The following TIMP2 variants were observed in gnomAD, a reference collection of about 807,000 sequenced individuals.
TIMP2 encodes the protein metalloproteinase inhibitor 2.
A neutral mutation model predicts 24.3 loss-of-function variants in TIMP2; 5 were observed. The ratio of observed to expected loss-of-function variants is 0.21; its 90% CI spans 0.11 to 0.43. TIMP2 has a LOEUF of 0.43. Among genes scored for constraint, TIMP2 ranks in the 20% least tolerant of loss-of-function variants. The pLI is 1.00. For synonymous variants in TIMP2, 130 were observed against 123.2 expected, an observed-to-expected ratio of 1.06 and a Z score of -0.37; for missense variants, 221 against 297.5, an observed-to-expected ratio of 0.74 and a Z score of 1.89.
chr17:78,874,664 A>G (rs1367120287), intron 1 of TIMP2, among the ~76,000 whole-genome samples: 1 of 151,604 alleles, frequency 6.6e-6, no homozygotes, highest in Non-Finnish European at 1.5e-5. Context: ...TGCAACCTCT[A>G]TCTCCCAGGT....
chr17:78,885,421 G>A (rs1483642197), intron 1 of TIMP2, among the ~76,000 whole-genome samples: 3 of 152,210 alleles, frequency 2.0e-5, no homozygotes, highest in African/African-American at 7.2e-5. Flanking sequence ...CACCGCTGCT[G>A]GCATGGCAGT....
At chr17:78,879,918 G>A (rs1212236490) in intron 1 of TIMP2, among the ~76,000 whole-genome samples, 2 of 151,968 alleles carry the variant, frequency 1.3e-5, no homozygotes, top group African/African-American at 4.8e-5. Flanking sequence ...AGTGGGGACG[G>A]AAAAGAACCG....
At position 78,924,285 on chromosome 17, in the gene TIMP2, G is replaced by A. The variant is rs1422180290; in HGVS notation, c.130+674C>T. On this transcript the variant is annotated intron_variant, in intron 1 of 4. Coordinates refer to ENST00000262768, the MANE Select transcript of TIMP2 (RefSeq NM_003255.5). The surrounding 1 kb of genome is among the most constrained non-coding windows in gnomAD (Gnocchi z 5.3). ...ACCAAAGTCTCCAGCTTTTGTGGAC[G>A]TCCCGAAAAAGCGGAACATTCGGGG... 6.6e-6 allele frequency among the ~76,000 whole-genome samples: 1 copy of A among 152,188 alleles called. No individual in the cohort carries two copies. The highest frequency in any genetic ancestry group is 2.4e-5 in the African/African-American group (1 of 41,464).
At chr17:78,858,400 G>C (rs1292683094) in intron 3 of TIMP2, among the ~76,000 whole-genome samples, 1 of 151,850 alleles carries the variant, frequency 6.6e-6, no homozygotes, top group Non-Finnish European at 1.5e-5. Context: ...CCGAGTTGGT[G>C]CCACTGCACT....
chr17:78,855,778 G>C lies in TIMP2; in HGVS notation c.552C>G (p.Asn184Lys). 1 of 1,614,182 alleles carries C rather than the reference G, an allele frequency of 6.2e-7. No homozygotes were observed. The highest frequency in any genetic ancestry group is 8.5e-7 in the Non-Finnish European group (1 of 1,180,026). Residue 184 changes from asparagine (N) to lysine (K), a missense_variant, in exon 5 of 5, where the codon AAC (asparagine) becomes AAG (lysine). Transcript: ENST00000262768. The surrounding 1 kb of genome is among the most constrained non-coding windows in gnomAD (Gnocchi z 6.0). ...WMDWVTEKNI[N>K]GHQAKFFACI... ...AGGCGAAGAACTTGGCCTGGTGCCC[G>C]TTGATGTTCTTCTCTGTGACCCAGT...
At chr17:78,876,345 A>G (rs1445503971) in intron 1 of TIMP2, among the ~76,000 whole-genome samples, 1 of 151,930 alleles carries the variant, frequency 6.6e-6, no homozygotes, top group East Asian at 1.9e-4. Context: ...TGAACAGACA[A>G]GTTTCTTTCT....
rs1202800239 is a variant in TIMP2, at chr17:78,891,083, G to T, written c.131-17164C>A. 2 of 1,550,812 alleles carry T rather than the reference G, an allele frequency of 1.3e-6. No individual in the cohort carries two copies. Among genetic ancestry groups the T allele is most frequent in the East Asian group, 4.9e-5 (2 of 40,932 alleles). On this transcript the variant is annotated intron_variant, in intron 1 of 4. Coordinates refer to ENST00000262768, the MANE Select transcript of TIMP2 (RefSeq NM_003255.5). The surrounding 1 kb of genome is among the most constrained non-coding windows in gnomAD (Gnocchi z 4.5). The stretch of plus-strand genomic sequence containing the variant: ...CTCTGCCAGCGTGCCCAGTTTGGGG[G>T]TCTCTTGTCCAGATTCAGTGCTATA...
intron 1 of TIMP2, among the ~76,000 whole-genome samples, chr17:78,884,560 C>G (rs1319398692): frequency 2.6e-5 from 4 of 152,164 alleles, no homozygotes; most frequent in Admixed American, 6.5e-5. Context: ...GAGGTCCCCA[C>G]TCCCCTTTCC....
chr17:78,880,490 C>T (rs2069769646), intron 1 of TIMP2, among the ~76,000 whole-genome samples: 1 of 151,898 alleles, frequency 6.6e-6, no homozygotes, highest in African/African-American at 2.4e-5. Context: ...AGTTCAAGAC[C>T]AGCCTGAGCA....
At chr17:78,882,771 C>T (rs1164597304) in intron 1 of TIMP2, among the ~76,000 whole-genome samples, 1 of 152,254 alleles carries the variant, frequency 6.6e-6, no homozygotes, top group Admixed American at 6.5e-5. Flanking sequence ...ACGGAACTGC[C>T]CAGGGGCACG....
chr17:78,921,852 G>A (rs552481601), intron 1 of TIMP2, among the ~76,000 whole-genome samples: 17 of 152,112 alleles, frequency 1.1e-4, no homozygotes, highest in Non-Finnish European at 2.1e-4. Flanking sequence ...GAGCTGCTAG[G>A]GAGATACCTC....
chr17:78,873,797 G>A, intron 2 of TIMP2, 22 bp downstream of exon 2: 1 of 1,601,068 alleles, frequency 6.2e-7, no homozygotes, highest in Non-Finnish European at 8.5e-7. Context: ...GTGCAGCCCG[G>A]GATGCCGGCA....
At chr17:78,857,801 G>A (rs1289799436) in intron 3 of TIMP2, among the ~76,000 whole-genome samples, 155 bp from the exon 4 acceptor site, 1 of 152,338 alleles carries the variant, frequency 6.6e-6, no homozygotes, top group Middle Eastern at 3.4e-3. Context: ...CAGGCACGGT[G>A]GCTCACTCCT....
At chr17:78,877,336 C>T (rs868831387) in intron 1 of TIMP2, among the ~76,000 whole-genome samples, 3 of 152,164 alleles carry the variant, frequency 2.0e-5, no homozygotes, top group African/African-American at 7.2e-5. Flanking sequence ...CCCAGCACTT[C>T]GGGAGGCCGA....
chr17:78,857,596 C>G lies in TIMP2; in HGVS notation c.391G>C (p.Val131Leu), dbSNP rs564017292. The G allele has an allele frequency of 5.3e-5, 86 of 1,614,016 alleles. No individual in the cohort carries two copies. The East Asian group carries it at 1.9e-3, about 36-fold the overall frequency. ...GTGGTGCTCAGGGTGTCCCAGGGCA[C>G]GATGAAGTCACAGAGGGTGATGTGC... Reference protein sequence around the residue: ...KMHITLCDFIVPWDTLSTTQK... With the variant: ...KMHITLCDFILPWDTLSTTQK... The change falls in exon 4 of 5, where the codon GTG (valine) becomes CTG (leucine). Residue 131 changes from valine to leucine, a missense_variant. Coordinates refer to ENST00000262768, the MANE Select transcript of TIMP2 (RefSeq NM_003255.5).
chr17:78,910,642 C>T (rs1187450062), intron 1 of TIMP2, among the ~76,000 whole-genome samples: 2 of 152,134 alleles, frequency 1.3e-5, no homozygotes, highest in East Asian at 1.9e-4. Flanking sequence ...CTTTTGACTT[C>T]GATGAGATCA....
intron 1 of TIMP2, among the ~76,000 whole-genome samples, chr17:78,893,085 G>T (rs1694379311): frequency 6.6e-6 from 1 of 152,044 alleles, no homozygotes; most frequent in Non-Finnish European, 1.5e-5. Flanking sequence ...GTGCACGCGT[G>T]TGCAGGGGTG....
chr17:78,877,542 C>T (rs1310907477), intron 1 of TIMP2, among the ~76,000 whole-genome samples: 1 of 112,718 alleles, frequency 8.9e-6, no homozygotes, highest in African/African-American at 2.9e-5. Context: ...GAGTGAGACT[C>T]CGTCTTTTAA....
chr17:78,867,973 G>A (rs1167398838), intron 3 of TIMP2, among the ~76,000 whole-genome samples: 1 of 151,990 alleles, frequency 6.6e-6, no homozygotes, highest in African/African-American at 2.4e-5. Flanking sequence ...TTCTTTTCCA[G>A]TCTCCCCATT....
Sources: allele counts gnomAD v4.1 joint callset (sites outside exome capture counted in the v4.1 genomes callset), GRCh38; gene constraint gnomAD v4.1.1; non-coding constraint Gnocchi (gnomAD v3.1); transcripts MANE v1.5; gene names NCBI Gene and HGNC (gene_info 2026-07-23, HGNC 2026-07-21).